Variants in MRPL38 observed in about 807,000 individuals in gnomAD.
The protein encoded by MRPL38 is large ribosomal subunit protein mL38.
Under a neutral mutation model 52.1 loss-of-function variants are expected in MRPL38, and 51 were observed. The ratio of observed to expected loss-of-function variants is 0.98; its 90% CI spans 0.78 to 1.24. The LOEUF (loss-of-function observed/expected upper bound fraction) is 1.24, where lower values mean the gene tolerates loss of function less well. Ranked by LOEUF, MRPL38 falls within the 50% of genes most tolerant of loss-of-function variation. The pLI, the probability that MRPL38 is intolerant of heterozygous loss-of-function variation, is 0.00. For missense variants in MRPL38, 527 were observed against 518.6 expected (o/e 1.02, Z -0.16); for synonymous variants, 245 against 212.7 (o/e 1.15, Z -1.32).
At chr17:75,903,947 C>T (rs1351803997) in intron 2 of MRPL38, among the ~76,000 whole-genome samples, 1 of 152,144 alleles carries the variant, frequency 6.6e-6, no homozygotes, top group Non-Finnish European at 1.5e-5. Flanking sequence ...AGGCTGGTCT[C>T]GAACTCCCGA....
Position 75,898,998 on chromosome 17 carries a change from G to A in MRPL38, c.1007-12C>T, listed in dbSNP as rs1428243973. 2 of 1,588,580 alleles carry A rather than the reference G, an allele frequency of 1.3e-6. No individual in the cohort carries two copies. Among genetic ancestry groups the A allele is most frequent in the Non-Finnish European group, 8.6e-7 (1 of 1,168,646 alleles). On this transcript the variant is annotated splice_polypyrimidine_tract_variant and intron_variant, in intron 8 of 8. Transcript: ENST00000309352. ...CGGCTCCCGCATGTCTGCAAGAAGAGTGAGGGGTACGGGGTGGTCTGCTGG... is the reference window on the plus strand; with the variant it reads ...CGGCTCCCGCATGTCTGCAAGAAGAATGAGGGGTACGGGGTGGTCTGCTGG...
chr17:75,900,218 CT>C (rs1283979833), intron 6 of MRPL38: 2 of 152,274 alleles, frequency 1.3e-5, no homozygotes, highest in African/African-American at 4.8e-5. Context: ...CCTCTGCCCC[CT>C]GGCCTGGTGT....
rs774577163 is a variant in MRPL38, at chr17:75,902,040, C to T, written c.362G>A (p.Arg121Gln). 87 of 1,613,386 alleles carry T rather than the reference C, an allele frequency of 5.4e-5. No homozygotes were observed. Among genetic ancestry groups the T allele is most frequent in the South Asian group, 6.6e-5 (6 of 90,934 alleles). Residue 121 changes from arginine (R) to glutamine (Q), a missense_variant, in exon 3 of 9, where the codon CGG becomes CAG. Transcript: ENST00000309352. ...QELRANVEEERAARLRTASVP... is the reference protein window; with the variant it reads ...QELRANVEEEQAARLRTASVP... ...CTTACCTGTGCGGAGGCGGGCAGCC[C>T]GCTCCTCTTCCACATTGGCCCGAAG...
intron 2 of MRPL38, among the ~76,000 whole-genome samples, chr17:75,903,780 C>CA (rs2065415883): frequency 6.6e-6 from 1 of 150,988 alleles, no homozygotes; most frequent in African/African-American, 2.4e-5. Context: ...GGCTGGTGTG[C>CA]AATGGCGCGA....
chr17:75,899,720 C>T, intron 6 of MRPL38, 46 bp from the exon 7 acceptor site: 1 of 1,484,208 alleles, frequency 6.7e-7, no homozygotes, highest in Non-Finnish European at 9.0e-7. Flanking sequence ...AGGGAGGCAG[C>T]AGGAGTGTCC....
Position 75,904,598 on chromosome 17 carries a change from C to G in MRPL38, c.189G>C (p.Gln63His). The G allele has an allele frequency of 6.3e-7, 1 of 1,592,110 alleles. No homozygotes were observed. The highest frequency in any genetic ancestry group is 8.5e-7 in the Non-Finnish European group (1 of 1,176,438). Residue 63 changes from glutamine to histidine, a missense_variant, in exon 2 of 9, where the codon CAG becomes CAC. Physicochemically the swap from Gln to His is conservative, Grantham distance 24 (BLOSUM62 0). Coordinates refer to ENST00000309352, the MANE Select transcript of MRPL38 (RefSeq NM_032478.4). ...SFDRYRRRAEQEAQAPHWWRT... is the reference protein window; with the variant it reads ...SFDRYRRRAEHEAQAPHWWRT... The stretch of plus-strand genomic sequence containing the variant: ...GCCACCAGTGCGGGGCCTGCGCCTC[C>G]TGCTCTGCTCGGCGCCGGTAGCGGT...
Position 75,898,674 on chromosome 17 carries a change from C to T in MRPL38, c.*176G>A. ...CAAGAAATCATGTTTATTCACATTCCCCACCCCACCACCTGAGAGTCACTT... is the reference window on the plus strand; with the variant it reads ...CAAGAAATCATGTTTATTCACATTCTCCACCCCACCACCTGAGAGTCACTT... On this transcript the variant is annotated 3_prime_UTR_variant, in exon 9 of 9. Transcript: ENST00000309352. The T allele has an allele frequency of 1.5e-6, 1 of 678,406 alleles. No individual in the cohort carries two copies. The highest frequency in any genetic ancestry group is 2.4e-6 in the Non-Finnish European group (1 of 408,354). The allele number at this position is 678,406 out of a possible 1,614,324, so 42.0% of individuals were successfully genotyped here.
At chr17:75,902,221 A>C in intron 2 of MRPL38, 67 bp from the exon 3 acceptor site, 1 of 1,492,388 alleles carries the variant, frequency 6.7e-7, no homozygotes, top group South Asian at 1.3e-5. Context: ...TCCCCAACTC[A>C]GTCTCCTGAG....
intron 7 of MRPL38, 28 bp downstream of exon 7, chr17:75,899,488 C>T (rs552586623): frequency 9.0e-6 from 14 of 1,555,700 alleles, no homozygotes; most frequent in South Asian, 7.2e-5. Context: ...GGCCTGAGGC[C>T]GGGTTATGTG....
intron 2 of MRPL38, 74 bp downstream of exon 2, chr17:75,904,466 C>T: frequency 7.0e-7 from 1 of 1,437,966 alleles, no homozygotes; most frequent in Non-Finnish European, 9.2e-7. Context: ...GCTCGCCCAG[C>T]GCCCGGGGAA....
intron 2 of MRPL38, among the ~76,000 whole-genome samples, chr17:75,902,457 G>A (rs980351970): frequency 2.0e-5 from 3 of 152,084 alleles, no homozygotes; most frequent in Admixed American, 2.0e-4. Flanking sequence ...TGTTGCTCAG[G>A]CTGGTCTCAA....
In MRPL38 at chr17:75,901,067, C is replaced by T; in HGVS notation, c.665-40G>A. ...ACCTGCTGACCACGGCCCAGCCGAC[C>T]ACGGCCCTGCCACCCCCTCCCTTGT... On this transcript the variant is annotated intron_variant, in intron 5 of 8. Transcript: ENST00000309352. The surrounding 1 kb of genome is among the most constrained non-coding windows in gnomAD (Gnocchi z 5.7). The T allele has an allele frequency of 1.9e-6, 3 of 1,603,390 alleles. No individual in the cohort carries two copies. The highest frequency in any genetic ancestry group is 2.6e-6 in the Non-Finnish European group (3 of 1,175,576).
Position 75,899,613 on chromosome 17 carries a change from A to T in MRPL38, c.772T>A (p.Phe258Ile), listed in dbSNP as rs767259396. The stretch of plus-strand genomic sequence containing the variant: ...TGGATGCCGGAGCCTCGGGCAGGGA[A>T]GGGGGGGAGGTAGGGACACGTCACC... The part of the protein sequence containing the change: ...GQVTCPYLPP[F>I]PARGSGIHRL... Residue 258 changes from phenylalanine (F) to isoleucine (I), a missense_variant, in exon 7 of 9, where the codon TTC becomes ATC. Coordinates refer to ENST00000309352, the MANE Select transcript of MRPL38 (RefSeq NM_032478.4). 6.2e-7 allele frequency: 1 copy of T among 1,607,206 alleles called. No individual in the cohort carries two copies. The highest frequency in any genetic ancestry group is 2.2e-5 in the East Asian group (1 of 44,666).
chr17:75,901,083 C>T lies in MRPL38; in HGVS notation c.665-56G>A, dbSNP rs947919806. ...CCAGCCGACCACGGCCCTGCCACCC[C>T]CTCCCTTGTTAGGAGCCAGCGCTGG... On this transcript the variant is annotated intron_variant, in intron 5 of 8. Transcript: ENST00000309352. The surrounding 1 kb of genome is among the most constrained non-coding windows in gnomAD (Gnocchi z 5.7). 1.3e-6 allele frequency: 2 copies of T among 1,598,262 alleles called. No homozygotes were observed. The highest frequency in any genetic ancestry group is 1.7e-6 in the Non-Finnish European group (2 of 1,173,398).
chr17:75,903,452 T>C (rs78553021), intron 2 of MRPL38, among the ~76,000 whole-genome samples: 3,083 of 152,286 alleles, frequency 0.02, 53 homozygotes, highest in Middle Eastern at 0.034. Context: ...TACTGAGCCC[T>C]CATCAGAGAT....
At chr17:75,899,066 C>T (rs1254965163) in intron 8 of MRPL38, 80 bp from the exon 9 acceptor site, 36 of 1,531,860 alleles carry the variant, frequency 2.4e-5, no homozygotes, top group Non-Finnish European at 2.9e-5. Context: ...AGGGACCTGC[C>T]GCAGCCTTCC....
chr17:75,898,798 T>C lies in MRPL38; in HGVS notation c.*52A>G, dbSNP rs541518344. The C allele has an allele frequency of 3.3e-5, 53 of 1,605,064 alleles. 1 individual carries two copies. In the African/African-American group the frequency reaches 6.8e-4, roughly 21 times the overall value. Reference sequence around the variant, plus strand: ...GTGTGGGCCTCTGGAGCTGTGTCTTTACTCTTGCTGCCGATCAATCCCATG... The same window carrying C: ...GTGTGGGCCTCTGGAGCTGTGTCTTCACTCTTGCTGCCGATCAATCCCATG... On this transcript the variant is annotated 3_prime_UTR_variant, in exon 9 of 9. Coordinates refer to ENST00000309352, the MANE Select transcript of MRPL38 (RefSeq NM_032478.4).
In MRPL38 at chr17:75,901,135, C is replaced by G. The variant is rs2065402439; in HGVS notation, c.664+66G>C. 1 of 1,600,636 alleles carries G rather than the reference C, an allele frequency of 6.2e-7. No individual in the cohort carries two copies. Among genetic ancestry groups the G allele is most frequent in the Non-Finnish European group, 8.5e-7 (1 of 1,174,064 alleles). On this transcript the variant is annotated intron_variant, in intron 5 of 8. Coordinates refer to ENST00000309352, the MANE Select transcript of MRPL38 (RefSeq NM_032478.4). The surrounding 1 kb of genome is among the most constrained non-coding windows in gnomAD (Gnocchi z 5.7). ...GATCTCCACCTGGCCCCTCCCCCAG[C>G]CCCCCAGGGCCCTGGCTCATAGGAG...
intron 2 of MRPL38, 128 bp downstream of exon 2, chr17:75,904,412 C>G: frequency 1.0e-6 from 1 of 989,850 alleles, no homozygotes; most frequent in Non-Finnish European, 1.5e-6. Flanking sequence ...GGTCTGCAGG[C>G]AGGCCCTCCC....
Sources: allele counts gnomAD v4.1 joint callset (sites outside exome capture counted in the v4.1 genomes callset), GRCh38; gene constraint gnomAD v4.1.1; non-coding constraint Gnocchi (gnomAD v3.1); transcripts MANE v1.5; gene names NCBI Gene and HGNC (gene_info 2026-07-23, HGNC 2026-07-21).